The following SF3A2 variants were observed in gnomAD, a reference collection of about 807,000 sequenced individuals.
SF3A2 encodes the protein splicing factor 3a subunit 2, also known as SAP 62.
SF3A2 carries 5 observed loss-of-function variants against 31.1 expected under a neutral mutation model. The ratio of observed to expected loss-of-function variants is 0.16; its 90% CI spans 0.08 to 0.34. SF3A2 has a LOEUF of 0.34. SF3A2 is among the 10% of genes least tolerant of loss of function. SF3A2 has a pLI of 1.00. For missense variants in SF3A2, 577 were observed against 643.9 expected, an observed-to-expected ratio of 0.90 and a Z score of 1.13; for synonymous variants, 365 against 263.7, an observed-to-expected ratio of 1.38 and a Z score of -3.72.
intron 1 of SF3A2, among the ~76,000 whole-genome samples, chr19:2,239,803 G>C (rs2024873184): frequency 6.6e-6 from 1 of 152,018 alleles, no homozygotes; most frequent in Non-Finnish European, 1.5e-5. Flanking sequence ...GTTTGGCTCA[G>C]CTTCCAACTC....
At chr19:2,236,988 G>C (rs1366138728) in intron 1 of SF3A2, 87 bp downstream of exon 1, 1 of 152,034 alleles carries the variant, frequency 6.6e-6, no homozygotes, top group Non-Finnish European at 1.5e-5. Flanking sequence ...AGGCGCTTGC[G>C]ACAGGCCGCG....
In SF3A2 at chr19:2,248,439, C is replaced by T. The variant is rs1318861545; in HGVS notation, c.1288C>T (p.Pro430Ser). ...CCACCCTCAGCCTCCGGGAGTTCACCCCTCAAATCCTGGGGTGCACCCCCC... is the reference window on the plus strand; with the variant it reads ...CCACCCTCAGCCTCCGGGAGTTCACTCCTCAAATCCTGGGGTGCACCCCCC... ...GVHPQPPGVH[P>S]SNPGVHPPTP... Residue 430 changes from proline to serine, a missense_variant, in exon 9 of 9, where the codon CCC (proline) becomes TCC (serine). Pro to Ser is a moderately conservative substitution (Grantham distance 74, BLOSUM62 -1). This residue lies in a region of SF3A2 where 462 missense variants were observed against 339.1 expected (regional missense o/e 1.36). Transcript: ENST00000221494. 5.5e-5 allele frequency: 75 copies of T among 1,365,870 alleles called. No individual in the cohort carries two copies. The highest frequency in any genetic ancestry group is 6.9e-5 in the Non-Finnish European group (73 of 1,059,724). 84.6% of individuals were successfully genotyped at this position (1,365,870 alleles called of 1,614,324 possible). A position where few individuals can be genotyped will look rare whatever the true frequency, so the allele number is the denominator to read the frequency against.
At position 2,246,809 on chromosome 19, in the gene SF3A2, T is replaced by C. The variant is rs1159341132; in HGVS notation, c.405+7T>C. On this transcript the variant is annotated splice_region_variant and intron_variant, in intron 6 of 8. Transcript: ENST00000221494. This position sits in a 1 kb window ranked among gnomAD's most constrained non-coding sequence, Gnocchi z 5.5. ...GCAGAGCCTCCTCTTCCAGGTGAGA[T>C]CAGGGACTTGGGCGTGGGGGGCGGC... 3 of 1,613,692 alleles carry C rather than the reference T, an allele frequency of 1.9e-6. No homozygotes were observed. Among genetic ancestry groups the C allele is most frequent in the Non-Finnish European group, 2.5e-6 (3 of 1,179,964 alleles).
At chr19:2,241,969 A>C (rs2024893538) in intron 1 of SF3A2, among the ~76,000 whole-genome samples, 1 of 152,178 alleles carries the variant, frequency 6.6e-6, no homozygotes, top group Non-Finnish European at 1.5e-5. Context: ...CATTTTCATA[A>C]ACTTGCCCAG....
rs375438515 is a variant in SF3A2 at position 2,247,614 on chromosome 19, C to T, written c.567C>T (p.Asp189=). Residue 189 remains aspartate, a synonymous_variant, in exon 8 of 9, where the codon GAC becomes GAT. Transcript: ENST00000221494. ...CCCAGGTGCCGAGCAGAGAGATCGA[C>T]AAGGCGGAGGGCAAGTTCTGGACAC... is the stretch of plus-strand genomic sequence containing the variant. ...IAFKVPSREI[D]KAEGKFWTHW... The T allele has an allele frequency of 1.9e-6, 3 of 1,613,310 alleles. No individual in the cohort carries two copies. Among genetic ancestry groups the T allele is most frequent in the Non-Finnish European group, 2.5e-6 (3 of 1,179,774 alleles).
Position 2,245,387 on chromosome 19 carries a change from C to A in SF3A2, c.246-59C>A. 1 of 1,312,772 alleles carries A rather than the reference C, an allele frequency of 7.6e-7. No homozygotes were observed. The highest frequency in any genetic ancestry group is 1.1e-6 in the Non-Finnish European group (1 of 935,014). The allele number at this position is 1,312,772 out of a possible 1,614,324, so 81.3% of individuals were successfully genotyped here. ...GTCAGGGGGCTCCTGGCACCTGGGC[C>A]CATGGCTTTGGTGCCTGTGTGTGGA... On this transcript the variant is annotated intron_variant, in intron 4 of 8. Transcript: ENST00000221494. The surrounding 1 kb of genome is among the most constrained non-coding windows in gnomAD (Gnocchi z 4.2).
rs2024937990 is a variant in SF3A2 at position 2,246,819 on chromosome 19, G to A, written c.405+17G>A. On this transcript the variant is annotated intron_variant, in intron 6 of 8. Transcript: ENST00000221494. The surrounding 1 kb of genome is among the most constrained non-coding windows in gnomAD (Gnocchi z 5.5). ...CTCTTCCAGGTGAGATCAGGGACTTGGGCGTGGGGGGCGGCCAAAGGCACC... is the reference window on the plus strand; with the variant it reads ...CTCTTCCAGGTGAGATCAGGGACTTAGGCGTGGGGGGCGGCCAAAGGCACC... The A allele has an allele frequency of 6.2e-7, 1 of 1,613,810 alleles. No individual in the cohort carries two copies. Among genetic ancestry groups the A allele is most frequent in the Non-Finnish European group, 8.5e-7 (1 of 1,179,958 alleles).
intron 1 of SF3A2, among the ~76,000 whole-genome samples, chr19:2,238,213 G>A (rs759713865): frequency 1.3e-5 from 2 of 152,092 alleles, no homozygotes; most frequent in African/African-American, 4.8e-5. Context: ...TTGTAGAGAC[G>A]AGGTTTCGCC....
chr19:2,248,423 G>A lies in SF3A2; in HGVS notation c.1272G>A (p.Gln424=). 1 of 1,368,466 alleles carries A rather than the reference G, an allele frequency of 7.3e-7. No individual in the cohort carries two copies. The highest frequency in any genetic ancestry group is 3.0e-5 in the East Asian group (1 of 33,464). 84.8% of individuals were successfully genotyped at this position (1,368,466 alleles called of 1,614,324 possible). A position where few individuals can be genotyped will look rare whatever the true frequency, so the allele number is the denominator to read the frequency against. Residue 424 remains glutamine (Q), a synonymous_variant, in exon 9 of 9, where the codon CAG becomes CAA. Coordinates refer to ENST00000221494, the MANE Select transcript of SF3A2 (RefSeq NM_007165.5). The part of the protein sequence containing the change: ...VHPSAPGVHP[Q]PPGVHPSNPG... ...CGTCGGCTCCTGGGGTCCACCCTCA[G>A]CCTCCGGGAGTTCACCCCTCAAATC...
At chr19:2,243,038 G>A (rs2024904318) in intron 1 of SF3A2, among the ~76,000 whole-genome samples, 1 of 152,152 alleles carries the variant, frequency 6.6e-6, no homozygotes, top group African/African-American at 2.4e-5. Flanking sequence ...TGAGATCTTG[G>A]TCTTGTCTTC....
In SF3A2 at chr19:2,248,269, A is replaced by AC; in HGVS notation, c.1123dup (p.Gln375ProfsTer?). On this transcript the variant is annotated frameshift_variant, in exon 9 of 9. Transcript: ENST00000221494. LOFTEE classifies it low-confidence loss of function (END_TRUNC). ...CATCCTCCCCCATCAGCGGGGGTTC[A>AC]CCCCCAGGCCCCGGGGGTGCACCCA... 7.9e-7 allele frequency: 1 copy of AC among 1,270,046 alleles called. No homozygotes were observed. Among genetic ancestry groups the AC allele is most frequent in the Non-Finnish European group, 9.9e-7 (1 of 1,008,426 alleles). 78.7% of individuals were successfully genotyped at this position (1,270,046 alleles called of 1,614,324 possible). A position where few individuals can be genotyped will look rare whatever the true frequency, so the allele number is the denominator to read the frequency against.
chr19:2,243,640 A>G (rs2024908765), intron 2 of SF3A2, 96 bp downstream of exon 2: 1 of 1,364,014 alleles, frequency 7.3e-7, no homozygotes, highest in Admixed American at 3.8e-5. Context: ...GCCTCCGCCC[A>G]GGCTGGGCGA....
rs199965547 is a variant in SF3A2, at chr19:2,247,753, C to T, written c.616-14C>T. 1 of 1,610,914 alleles carries T rather than the reference C, an allele frequency of 6.2e-7. No homozygotes were observed. The highest frequency in any genetic ancestry group is 8.5e-7 in the Non-Finnish European group (1 of 1,178,710). ...CCCCACCCGTGCCTGCTGAACCTTT[C>T]TCCGTCTCTCTAGTTCTTCCTCCAG... On this transcript the variant is annotated splice_polypyrimidine_tract_variant and intron_variant, in intron 8 of 8. Coordinates refer to ENST00000221494, the MANE Select transcript of SF3A2 (RefSeq NM_007165.5).
intron 1 of SF3A2, among the ~76,000 whole-genome samples, chr19:2,241,302 G>C (rs180689754): frequency 6.6e-6 from 1 of 152,094 alleles, no homozygotes; most frequent in Non-Finnish European, 1.5e-5. Context: ...CTTCTCACAC[G>C]TTCCCCCGAG....
In SF3A2 at chr19:2,244,720, CT is replaced by C. The variant is rs1229180641; in HGVS notation, c.199-10del. The C allele has an allele frequency of 8.1e-6, 13 of 1,613,948 alleles. No homozygotes were observed. The Admixed American group carries it at 2.2e-4, about 27-fold the overall frequency. The stretch of plus-strand genomic sequence containing the variant: ...CCCGGCCTCGAGTCATGCGTGTTTC[CT>C]TTCCACTCCAGGGGAGCTACCTGGC... On this transcript the variant is annotated splice_polypyrimidine_tract_variant and intron_variant, in intron 3 of 8. Coordinates refer to ENST00000221494, the MANE Select transcript of SF3A2 (RefSeq NM_007165.5).
At chr19:2,244,844 C>G (rs1209781185) in intron 4 of SF3A2, 65 bp downstream of exon 4, 1 of 1,480,000 alleles carries the variant, frequency 6.8e-7, no homozygotes, top group Non-Finnish European at 9.3e-7. Flanking sequence ...TCTCTGTGAG[C>G]CTCGCGGGCC....
Position 2,243,385 on chromosome 19 carries a change from TC to T in SF3A2, c.-33del. The T allele has an allele frequency of 3.3e-6, 5 of 1,496,652 alleles. No homozygotes were observed. Among genetic ancestry groups the T allele is most frequent in the Non-Finnish European group, 4.4e-6 (5 of 1,127,484 alleles). The allele number at this position is 1,496,652 out of a possible 1,614,324, so 92.7% of individuals were successfully genotyped here. A position where few individuals can be genotyped will look rare whatever the true frequency, so the allele number is the denominator to read the frequency against. ...ACTCTCCTCTTGGCCTCCACAGGTGTCTCCCAGTCTGCTAAAGCCCTAAGGC... is the reference window on the plus strand; with the variant it reads ...ACTCTCCTCTTGGCCTCCACAGGTGTTCCCAGTCTGCTAAAGCCCTAAGGC... On this transcript the variant is annotated 5_prime_UTR_variant, in exon 2 of 9. Coordinates refer to ENST00000221494, the MANE Select transcript of SF3A2 (RefSeq NM_007165.5).
In SF3A2 at chr19:2,245,687, C is replaced by A. The variant is rs1244043294; in HGVS notation, c.355+132C>A. The A allele has an allele frequency of 4.4e-6, 3 of 687,732 alleles. No homozygotes were observed. The highest frequency in any genetic ancestry group is 7.7e-6 in the Non-Finnish European group (3 of 387,306). 42.6% of individuals were successfully genotyped at this position (687,732 alleles called of 1,614,324 possible). On this transcript the variant is annotated intron_variant, in intron 5 of 8. Transcript: ENST00000221494. This position sits in a 1 kb window ranked among gnomAD's most constrained non-coding sequence, Gnocchi z 4.2. ...ACTGTTTTCCGGCCTTGGTGGCCGT[C>A]CCTCACCCACCTGCAGCCTCTGGCG...
chr19:2,245,296 C>T lies in SF3A2; in HGVS notation c.246-150C>T, dbSNP rs942307788. 3 of 615,554 alleles carry T rather than the reference C, an allele frequency of 4.9e-6. No individual in the cohort carries two copies. The highest frequency in any genetic ancestry group is 8.7e-6 in the Non-Finnish European group (3 of 345,894). 38.1% of individuals were successfully genotyped at this position (615,554 alleles called of 1,614,324 possible). The stretch of plus-strand genomic sequence containing the variant: ...ATGCCTGTCCTATCCCTGTCCTCAG[C>T]CAAACCCCAGGGCCCCTCCCAGGCC... On this transcript the variant is annotated intron_variant, in intron 4 of 8. Coordinates refer to ENST00000221494, the MANE Select transcript of SF3A2 (RefSeq NM_007165.5). This position sits in a 1 kb window ranked among gnomAD's most constrained non-coding sequence, Gnocchi z 4.2.
Sources: allele counts gnomAD v4.1 joint callset (sites outside exome capture counted in the v4.1 genomes callset), GRCh38; gene constraint gnomAD v4.1.1; regional missense constraint gnomAD v4.1.1; non-coding constraint Gnocchi (gnomAD v3.1); transcripts MANE v1.5; gene names NCBI Gene and HGNC (gene_info 2026-07-23, HGNC 2026-07-21).